PCDHA7: variants seen among roughly 807,000 people sequenced by gnomAD.
PCDHA7 encodes the protein protocadherin alpha-7.
In PCDHA7, 37 loss-of-function variants were observed where a neutral mutation model predicts 57.2. The observed-to-expected ratio is 0.65, with a 90% CI of 0.50 to 0.85. PCDHA7 has a LOEUF of 0.85. PCDHA7 is among the 40% of genes least tolerant of loss of function. The pLI, the probability that PCDHA7 is intolerant of heterozygous loss-of-function variation, is 0.00. For missense variants in PCDHA7, 1,188 were observed against 1,241.8 expected (o/e 0.96, Z 0.65); for synonymous variants, 553 against 558.8 (o/e 0.99, Z 0.15).
intron 1 of PCDHA7, among the ~76,000 whole-genome samples, chr5:140,881,880 C>G (rs1157311188): frequency 6.6e-6 from 1 of 152,210 alleles, no homozygotes; most frequent in Non-Finnish European, 1.5e-5. Flanking sequence ...AAATGAAACT[C>G]ATCAACCAAT....
chr5:140,942,145 CAT>C (rs2093239780), intron 1 of PCDHA7, among the ~76,000 whole-genome samples: 1 of 152,176 alleles, frequency 6.6e-6, no homozygotes, highest in African/African-American at 2.4e-5. Context: ...CTTTACTTGA[CAT>C]AAAACAGCTT....
intron 1 of PCDHA7, among the ~76,000 whole-genome samples, chr5:140,906,153 A>G (rs2072404848): frequency 6.6e-6 from 1 of 152,142 alleles, no homozygotes; most frequent in Non-Finnish European, 1.5e-5. Flanking sequence ...ACCCTCACAG[A>G]CACACCCAGG....
intron 1 of PCDHA7, among the ~76,000 whole-genome samples, chr5:140,906,958 G>A (rs1220105162): frequency 1.3e-5 from 2 of 152,124 alleles, no homozygotes; most frequent in Non-Finnish European, 2.9e-5. Flanking sequence ...CAGTTTAATG[G>A]AATCGTGGTT....
At chr5:140,913,667 G>A (rs2076425699) in intron 1 of PCDHA7, among the ~76,000 whole-genome samples, 2 of 152,000 alleles carry the variant, frequency 1.3e-5, no homozygotes, top group South Asian at 2.1e-4. Flanking sequence ...GTATAGTTAG[G>A]TTATTTAAAA....
intron 1 of PCDHA7, among the ~76,000 whole-genome samples, chr5:140,936,396 A>G (rs983509296): frequency 1.4e-4 from 22 of 152,112 alleles, no homozygotes; most frequent in African/African-American, 5.3e-4. Flanking sequence ...AAACTGGGCT[A>G]CTCAATTTTT....
Position 140,938,847 on chromosome 5 carries a change from T to C in PCDHA7, c.2356-40102T>C, listed in dbSNP as rs371783438. 4.6e-5 allele frequency among the ~76,000 whole-genome samples: 7 copies of C among 152,194 alleles called. No individual in the cohort carries two copies. The South Asian group carries it at 6.2e-4, about 14-fold the overall frequency. ...GTTTGCGTTATAACAAACCTGCCCA[T>C]GTACCCCTGAACTTAAAAGTTAAGA... On this transcript the variant is annotated intron_variant, in intron 1 of 3. Transcript: ENST00000525929.
At chr5:140,969,210 C>G in intron 1 of PCDHA7, 1 of 1,614,184 alleles carries the variant, frequency 6.2e-7, no homozygotes, top group Non-Finnish European at 8.5e-7. Context: ...GGGGCCCAGA[C>G]AGGACCAGGG....
At chr5:140,837,369 AT>A (rs1376058835) in intron 1 of PCDHA7, among the ~76,000 whole-genome samples, 1 of 151,978 alleles carries the variant, frequency 6.6e-6, no homozygotes, top group Non-Finnish European at 1.5e-5. Context: ...GTTTAATAGT[AT>A]TTTTTATTTT....
chr5:140,870,276 C>T (rs1554163984), intron 1 of PCDHA7: 3 of 1,614,170 alleles, frequency 1.9e-6, no homozygotes, highest in South Asian at 1.1e-5. Context: ...TGACGCCCCA[C>T]GTTCCCTTCA....
chr5:140,974,672 T>G lies in PCDHA7; in HGVS notation c.2356-4277T>G, dbSNP rs186958750. On this transcript the variant is annotated intron_variant, in intron 1 of 3. Coordinates refer to ENST00000525929, the MANE Select transcript of PCDHA7 (RefSeq NM_018910.3). ...GATTACAGGCATGCGCCACCATGCC[T>G]GGCTAATTTTGTATTTTTGGGTTTC... 4.6e-3 allele frequency among the ~76,000 whole-genome samples: 694 copies of G among 152,134 alleles called. 4 individuals are homozygous for G. Among genetic ancestry groups the G allele is most frequent in the African/African-American group, 0.016 (672 of 41,518 alleles).
At chr5:140,882,160 C>G (rs2058982745) in intron 1 of PCDHA7, 8 of 1,509,868 alleles carry the variant, frequency 5.3e-6, no homozygotes, top group Non-Finnish European at 7.1e-6. Flanking sequence ...CGGAATACCT[C>G]TTGCGAATCC....
intron 1 of PCDHA7, among the ~76,000 whole-genome samples, chr5:140,937,847 A>G (rs2091797551): frequency 6.8e-6 from 1 of 148,000 alleles, no homozygotes; most frequent in Non-Finnish European, 1.5e-5. Flanking sequence ...GGAAGGCGGA[A>G]CTTGGAGTGA....
In PCDHA7 at chr5:140,884,535, C is replaced by A. The variant is rs142468733; in HGVS notation, c.2355+47797C>A. 15 of 1,614,034 alleles carry A rather than the reference C, an allele frequency of 9.3e-6. No individual in the cohort carries two copies. The South Asian group carries it at 1.5e-4, about 17-fold the overall frequency. ...TGGTCGTACTCGCAGCAGAGGCGGCCGAGGGTGTGCTCTGGGGAGGGCCCG... is the reference window on the plus strand; with the variant it reads ...TGGTCGTACTCGCAGCAGAGGCGGCAGAGGGTGTGCTCTGGGGAGGGCCCG... On this transcript the variant is annotated intron_variant, in intron 1 of 3. Transcript: ENST00000525929.
At chr5:140,958,104 T>C (rs1554223331) in intron 1 of PCDHA7, among the ~76,000 whole-genome samples, 1 of 151,916 alleles carries the variant, frequency 6.6e-6, no homozygotes, top group Admixed American at 6.6e-5. Flanking sequence ...GTGTGTAGAG[T>C]GTGGTTCCAT....
intron 1 of PCDHA7, among the ~76,000 whole-genome samples, chr5:140,924,904 AAT>A (rs1277700524): frequency 5.2e-4 from 28 of 54,160 alleles, no homozygotes; most frequent in African/African-American, 2.1e-3. Context: ...CAAAAAAAAA[AAT>A]AAAATAAAAT....
At chr5:140,896,960 T>C (rs1242760287) in intron 1 of PCDHA7, among the ~76,000 whole-genome samples, 1 of 152,234 alleles carries the variant, frequency 6.6e-6, no homozygotes, top group Non-Finnish European at 1.5e-5. Context: ...CTTAAACATT[T>C]ATTCTTTGCA....
chr5:140,964,099 C>T (rs2095809950), intron 1 of PCDHA7, among the ~76,000 whole-genome samples: 1 of 152,142 alleles, frequency 6.6e-6, no homozygotes, highest in South Asian at 2.1e-4. Flanking sequence ...TAATTAACAA[C>T]AGTCTGAGCA....
intron 1 of PCDHA7, chr5:140,928,814 A>T (rs782622875): frequency 5.6e-6 from 9 of 1,614,150 alleles, no homozygotes; most frequent in Non-Finnish European, 7.6e-6. Context: ...GTTCGGGACC[A>T]TGGAGACCCA....
intron 1 of PCDHA7, among the ~76,000 whole-genome samples, chr5:140,838,279 A>AT (rs1775640988): frequency 3.2e-5 from 2 of 62,672 alleles, no homozygotes; most frequent in Non-Finnish European, 5.9e-5. Context: ...AAGCCATGCT[A>AT]ATTTTTTTTT....
Sources: allele counts gnomAD v4.1 joint callset (sites outside exome capture counted in the v4.1 genomes callset), GRCh38; gene constraint gnomAD v4.1.1; transcripts MANE v1.5; gene names NCBI Gene and HGNC (gene_info 2026-07-23, HGNC 2026-07-21).